Variants in STXBP4 observed in about 807,000 individuals in gnomAD.
The protein encoded by STXBP4 is syntaxin binding protein 4, also known as syntaxin-binding protein 4.
A neutral mutation model predicts 76.1 loss-of-function variants in STXBP4; 55 were observed. That is an observed-to-expected ratio of 0.72 (90% CI 0.58 to 0.91). The LOEUF (loss-of-function observed/expected upper bound fraction) is 0.91, where lower values mean the gene tolerates loss of function less well. STXBP4 is among the 40% of genes least tolerant of loss of function. The pLI is 0.00. For missense variants in STXBP4, 618 were observed against 636.9 expected, an observed-to-expected ratio of 0.97 and a Z score of 0.32; for synonymous variants, 201 against 220.2, an observed-to-expected ratio of 0.91 and a Z score of 0.77.
rs3080154 is a variant in STXBP4 at position 55,011,508 on chromosome 17, C to CTTTTTTTTTTTTTTTTT, written c.666+3912_666+3928dup. ...GGATCAAAGAGTTTATTTTCTTTTT[C>CTTTTTTTTTTTTTTTTT]TTTTTTTTTTTTTTTTTGCAGTTGC... is the stretch of plus-strand genomic sequence containing the variant. On this transcript the variant is annotated intron_variant, in intron 8 of 17. Transcript: ENST00000376352. Among the ~76,000 whole-genome samples, 29 of 85,918 alleles carry CTTTTTTTTTTTTTTTTT rather than the reference C, an allele frequency of 3.4e-4. 3 individuals carry two copies. The highest frequency in any genetic ancestry group is 6.4e-4 in the African/African-American group (12 of 18,804). The allele number at this position is 85,918 out of a possible 152,430, so 56.4% of individuals were successfully genotyped here.
rs549374894 is a variant in STXBP4, at chr17:54,993,919, G to A, written c.180+2962G>A. On this transcript the variant is annotated intron_variant, in intron 4 of 17. Coordinates refer to ENST00000376352, the MANE Select transcript of STXBP4 (RefSeq NM_178509.6). ...ACTGTAAGGGAGTTATTGGAACGCA[G>A]AAGAAATTTTCTTTAATTATTCATG... Among the ~76,000 whole-genome samples the A allele has an allele frequency of 1.5e-4, 23 of 152,234 alleles. No individual in the cohort carries two copies. The South Asian group carries it at 4.8e-3, about 32-fold the overall frequency.
chr17:55,087,415 G>A (rs566812096), intron 16 of STXBP4, among the ~76,000 whole-genome samples: 16 of 152,014 alleles, frequency 1.1e-4, no homozygotes, highest in African/African-American at 3.6e-4. Context: ...CTTACATTTA[G>A]GTCTTTGCTT....
intron 17 of STXBP4, among the ~76,000 whole-genome samples, chr17:55,151,850 T>C (rs1351381154): frequency 6.6e-6 from 1 of 152,180 alleles, no homozygotes; most frequent in Non-Finnish European, 1.5e-5. Context: ...TAACTCCAGC[T>C]GTATAGAAAA....
At chr17:55,025,757 A>G (rs2144651655) in intron 8 of STXBP4, among the ~76,000 whole-genome samples, 1 of 152,306 alleles carries the variant, frequency 6.6e-6, no homozygotes, top group East Asian at 1.9e-4. Flanking sequence ...TACCACTTCT[A>G]TTTTATGTTG....
the STXBP4 span, among the ~76,000 whole-genome samples, chr17:55,206,750 A>G: frequency 6.6e-6 from 1 of 151,488 alleles, no homozygotes; most frequent in African/African-American, 2.4e-5. Context: ...CCAGCTACTC[A>G]AGAGGCTGAG....
In STXBP4 at chr17:55,053,202, G is replaced by T. The variant is rs187866973; in HGVS notation, c.1011+6048G>T. On this transcript the variant is annotated intron_variant, in intron 12 of 17. Transcript: ENST00000376352. Reference sequence around the variant, plus strand: ...TCCTAAATTTGTTAACTGTACTGTGGTTATATAAAAGAATATCCTTATTCT... The same window carrying T: ...TCCTAAATTTGTTAACTGTACTGTGTTTATATAAAAGAATATCCTTATTCT... 2.8e-3 allele frequency among the ~76,000 whole-genome samples: 422 copies of T among 151,900 alleles called. 1 individual carries two copies. Among genetic ancestry groups the T allele is most frequent in the Non-Finnish European group, 4.9e-3 (333 of 67,944 alleles).
At chr17:55,047,953 GA>G (rs1350697265) in intron 12 of STXBP4, among the ~76,000 whole-genome samples, 1 of 151,812 alleles carries the variant, frequency 6.6e-6, no homozygotes, top group African/African-American at 2.4e-5. Flanking sequence ...GGCAAGGCTT[GA>G]AAAATTCTGA....
rs1185985667 is a variant in STXBP4 at position 55,166,233 on chromosome 17, T to C, written c.*6322T>C. The C allele has an allele frequency of 6.6e-6, 1 of 152,216 alleles. No individual in the cohort carries two copies. Among genetic ancestry groups the C allele is most frequent in the African/African-American group, 2.4e-5 (1 of 41,460 alleles). The allele number at this position is 152,216 out of a possible 1,614,324, so 9.4% of individuals were successfully genotyped here. On this transcript the variant is annotated 3_prime_UTR_variant, in exon 18 of 18. Transcript: ENST00000376352. ...AAGGAATACATCCTAGAACATTTCT[T>C]AAATATATTCCCTTTTCTCTGTTTC...
intron 1 of STXBP4, among the ~76,000 whole-genome samples, chr17:54,969,969 A>C (rs2077366322): frequency 6.6e-6 from 1 of 152,234 alleles, no homozygotes; most frequent in Non-Finnish European, 1.5e-5. Flanking sequence ...AGTCATGAGA[A>C]GCGGTAGTAA....
chr17:55,109,624 C>CTTT (rs551292679), intron 16 of STXBP4, among the ~76,000 whole-genome samples: 15 of 114,364 alleles, frequency 1.3e-4, no homozygotes, highest in East Asian at 5.1e-4. Flanking sequence ...AACTCAATGT[C>CTTT]TTTTTTTTTT....
chr17:55,046,896 A>T (rs765629713), intron 11 of STXBP4, among the ~76,000 whole-genome samples, 193 bp from the exon 12 acceptor site: 1 of 151,950 alleles, frequency 6.6e-6, no homozygotes, highest in Non-Finnish European at 1.5e-5. Context: ...AAGTATATTT[A>T]CATCACAATT....
chr17:55,039,585 A>G (rs539038467), intron 10 of STXBP4, among the ~76,000 whole-genome samples: 23 of 152,274 alleles, frequency 1.5e-4, no homozygotes, highest in Admixed American at 1.2e-3. Flanking sequence ...CCAGATAAAG[A>G]TAGTAAAGAA....
chr17:54,970,464 A>G (rs1482581346), intron 1 of STXBP4, among the ~76,000 whole-genome samples: 1 of 152,194 alleles, frequency 6.6e-6, no homozygotes, highest in Non-Finnish European at 1.5e-5. Context: ...TGCAGAACCA[A>G]TAAAATATAA....
At chr17:55,111,848 G>C (rs946961589) in intron 16 of STXBP4, among the ~76,000 whole-genome samples, 4 of 152,092 alleles carry the variant, frequency 2.6e-5, no homozygotes, top group Admixed American at 6.6e-5. Flanking sequence ...TGCCTGGAAT[G>C]GTATTCCTTC....
rs2041240690 is a variant in STXBP4 at position 55,164,985 on chromosome 17, A to G, written c.*5074A>G. 1 of 152,204 alleles carries G rather than the reference A, an allele frequency of 6.6e-6. No homozygotes were observed. Among genetic ancestry groups the G allele is most frequent in the Non-Finnish European group, 1.5e-5 (1 of 68,052 alleles). The allele number at this position is 152,204 out of a possible 1,614,324, so 9.4% of individuals were successfully genotyped here. A position where few individuals can be genotyped will look rare whatever the true frequency, so the allele number is the denominator to read the frequency against. On this transcript the variant is annotated 3_prime_UTR_variant, in exon 18 of 18. Transcript: ENST00000376352. ...CTAGCCCTTGTGTAATTCGTATTCT[A>G]TGCAAAGGATATACGATTGAAATTA...
chr17:55,016,215 T>C (rs1479020717), intron 8 of STXBP4, among the ~76,000 whole-genome samples: 1 of 152,130 alleles, frequency 6.6e-6, no homozygotes, highest in East Asian at 1.9e-4. Context: ...TGGACCTCTG[T>C]TTATCGGTTT....
At chr17:55,158,166 A>G (rs966450304) in intron 17 of STXBP4, among the ~76,000 whole-genome samples, 1 of 152,170 alleles carries the variant, frequency 6.6e-6, no homozygotes, top group African/African-American at 2.4e-5. Flanking sequence ...GAGTTCAAGC[A>G]GTCCTCCCAT....
Position 55,168,553 on chromosome 17 carries a change from ATT to A in STXBP4, c.*8646_*8647del, listed in dbSNP as rs1190879757. 1 of 152,208 alleles carries A rather than the reference ATT, an allele frequency of 6.6e-6. No individual in the cohort carries two copies. The highest frequency in any genetic ancestry group is 1.5e-5 in the Non-Finnish European group (1 of 68,026). 9.4% of individuals were successfully genotyped at this position (152,208 alleles called of 1,614,324 possible). A position where few individuals can be genotyped will look rare whatever the true frequency, so the allele number is the denominator to read the frequency against. On this transcript the variant is annotated 3_prime_UTR_variant, in exon 18 of 18. Transcript: ENST00000376352. ...TTTAAAATATGACTTAGTAGTTAGA[ATT>A]TTTATCTTATACGCCTTTAAGTAAA...
chr17:55,132,729 C>G (rs1222001755), intron 16 of STXBP4, among the ~76,000 whole-genome samples: 1 of 151,470 alleles, frequency 6.6e-6, no homozygotes, highest in Non-Finnish European at 1.5e-5. Context: ...GGAAAGAAAC[C>G]AGGTTGAGGG....
Sources: gnomAD v4.1 joint callset for allele counts (sites outside exome capture counted in the v4.1 genomes callset) on GRCh38, gnomAD v4.1.1 for gene constraint, MANE v1.5 for transcripts, NCBI Gene and HGNC (gene_info 2026-07-23, HGNC 2026-07-21) for gene names.